PIGN: variants seen among roughly 807,000 people sequenced by gnomAD.
PIGN encodes phosphatidylinositol glycan anchor biosynthesis class N, also known as GPI ethanolamine phosphate transferase 1.
Under a neutral mutation model 125.4 loss-of-function variants are expected in PIGN, and 117 were observed. The observed-to-expected ratio is 0.93, with a 90% confidence interval of 0.80 to 1.09. The LOEUF (loss-of-function observed/expected upper bound fraction) is 1.09, where lower values mean the gene tolerates loss of function less well. Ranked by LOEUF, PIGN falls within the 50% of genes least tolerant of loss-of-function variation. The pLI is 0.00. For missense variants in PIGN, 1,075 were observed against 1,094.9 expected, an observed-to-expected ratio of 0.98 and a Z score of 0.26; for synonymous variants, 392 against 377.8, an observed-to-expected ratio of 1.04 and a Z score of -0.44.
chr18:62,117,649 T>C (rs940471795), intron 14 of PIGN, among the ~76,000 whole-genome samples: 8 of 152,150 alleles, frequency 5.3e-5, no homozygotes, highest in African/African-American at 1.7e-4. Flanking sequence ...CTTTTCAGCA[T>C]GTTTGAAATA....
intron 23 of PIGN, among the ~76,000 whole-genome samples, chr18:62,027,196 C>T (rs1480730113): frequency 2.0e-5 from 3 of 152,026 alleles, no homozygotes. Context: ...AGTGAGACTC[C>T]ATTTCAAATT....
At chr18:62,158,263 T>C (rs1677613856) in intron 4 of PIGN, among the ~76,000 whole-genome samples, 2 of 152,130 alleles carry the variant, frequency 1.3e-5, no homozygotes, top group Non-Finnish European at 2.9e-5. Flanking sequence ...TAGATGGACA[T>C]ACATGGGTAC....
chr18:62,150,602 T>C (rs1044871484), intron 7 of PIGN, among the ~76,000 whole-genome samples: 2 of 152,160 alleles, frequency 1.3e-5, no homozygotes, highest in Non-Finnish European at 2.9e-5. Flanking sequence ...ATTCCAGTTA[T>C]GATATAAGGT....
chr18:62,040,995 C>T (rs2030353717), downstream of PIGN, among the ~76,000 whole-genome samples: 1 of 152,182 alleles, frequency 6.6e-6, no homozygotes, highest in African/African-American at 2.4e-5. Context: ...TTTATCTTTT[C>T]ATGAGTTTAC....
At chr18:62,175,125 C>T (rs1188035765) in intron 1 of PIGN, among the ~76,000 whole-genome samples, 1 of 147,368 alleles carries the variant, frequency 6.8e-6, no homozygotes, top group Non-Finnish European at 1.5e-5. Flanking sequence ...ATATATAAAA[C>T]TCAGTGTCCA....
chr18:62,147,938 A>C (rs1233097467), intron 8 of PIGN, among the ~76,000 whole-genome samples: 2 of 152,064 alleles, frequency 1.3e-5, no homozygotes, highest in Admixed American at 6.5e-5. Flanking sequence ...AAATATATAG[A>C]TATTTTAGAT....
chr18:62,034,085 G>A (rs2030228498), intron 23 of PIGN, among the ~76,000 whole-genome samples: 1 of 152,180 alleles, frequency 6.6e-6, no homozygotes, highest in Non-Finnish European at 1.5e-5. Context: ...CAAGAATTAG[G>A]TTGAATATGC....
chr18:62,087,402 C>T (rs534337458), intron 25 of PIGN, among the ~76,000 whole-genome samples: 1 of 152,322 alleles, frequency 6.6e-6, no homozygotes, highest in African/African-American at 2.4e-5. Context: ...TCGGCAGAGA[C>T]ATCTGACAAA....
intron 30 of PIGN, among the ~76,000 whole-genome samples, chr18:62,060,817 A>AAATT (rs1405179896): frequency 6.6e-6 from 1 of 152,226 alleles, no homozygotes; most frequent in Non-Finnish European, 1.5e-5. Context: ...ATAGTTATGA[A>AAATT]AATTACCTCA....
chr18:62,086,611 G>GTTTTTTTTTTTT (rs34619080), intron 25 of PIGN, among the ~76,000 whole-genome samples: 2 of 106,820 alleles, frequency 1.9e-5, no homozygotes, highest in Non-Finnish European at 1.8e-5. Flanking sequence ...GTAAGACTCC[G>GTTTTTTTTTTTT]TTTTTTGTTT....
chr18:62,118,343 T>C (rs2035165983), intron 14 of PIGN, among the ~76,000 whole-genome samples: 1 of 151,816 alleles, frequency 6.6e-6, no homozygotes, highest in Non-Finnish European at 1.5e-5. Context: ...CAGAGAAGCT[T>C]TGGGCATAGC....
At chr18:62,034,771 A>G (rs780911559) in intron 23 of PIGN, among the ~76,000 whole-genome samples, 1 of 152,208 alleles carries the variant, frequency 6.6e-6, no homozygotes, top group South Asian at 2.1e-4. Flanking sequence ...TTACAGGCTC[A>G]TGTAAAGGAA....
At chr18:62,059,140 G>C (rs2031943976) in intron 30 of PIGN, 1 of 125,332 alleles carries the variant, frequency 8.0e-6, no homozygotes, top group Non-Finnish European at 1.6e-5. Flanking sequence ...CTGCAGTGGT[G>C]ATCACCTCAC....
chr18:62,056,428 T>C (rs1434626885), intron 30 of PIGN, among the ~76,000 whole-genome samples: 1 of 152,094 alleles, frequency 6.6e-6, no homozygotes, highest in African/African-American at 2.4e-5. Context: ...TTCTGAGTTA[T>C]TCTTCTCTGA....
At chr18:62,051,096 G>A (rs943279095) in intron 30 of PIGN, among the ~76,000 whole-genome samples, 3 of 146,910 alleles carry the variant, frequency 2.0e-5, no homozygotes, top group Non-Finnish European at 3.0e-5. Context: ...TGCTGGATTC[G>A]GTTTGCCAGT....
chr18:62,022,687 AT>A (rs1473184625), intron 23 of PIGN, among the ~76,000 whole-genome samples: 2 of 152,244 alleles, frequency 1.3e-5, no homozygotes, highest in African/African-American at 4.8e-5. Context: ...AAATGAAAAA[AT>A]AATGAAACTA....
intron 30 of PIGN, among the ~76,000 whole-genome samples, chr18:62,053,246 G>A (rs1455522078): frequency 3.5e-4 from 53 of 152,280 alleles, no homozygotes; most frequent in Non-Finnish European, 8.8e-5. Flanking sequence ...ATCACCAGTA[G>A]ACTGGGATTA....
intron 14 of PIGN, among the ~76,000 whole-genome samples, chr18:62,124,070 C>A (rs1195515243): frequency 6.6e-6 from 1 of 152,090 alleles, no homozygotes; most frequent in African/African-American, 2.4e-5. Flanking sequence ...TGACACTAAA[C>A]TTGTTGGCTT....
chr18:62,055,305 T>C (rs931654972), intron 30 of PIGN, among the ~76,000 whole-genome samples: 1 of 152,208 alleles, frequency 6.6e-6, no homozygotes, highest in Non-Finnish European at 1.5e-5. Context: ...TACCATGGAT[T>C]TACTCAGCAA....
Sources: gnomAD v4.1 joint callset for allele counts (sites outside exome capture counted in the v4.1 genomes callset) on GRCh38, gnomAD v4.1.1 for gene constraint, MANE v1.5 for transcripts, NCBI Gene and HGNC (gene_info 2026-07-23, HGNC 2026-07-21) for gene names.